Variants in DLG2 observed in about 807,000 individuals in gnomAD.
The protein encoded by DLG2 is disks large homolog 2.
Under a neutral mutation model 132.5 loss-of-function variants are expected in DLG2, and 45 were observed. The observed-to-expected ratio is 0.34, with a 90% CI of 0.27 to 0.44. The LOEUF is 0.44. Among genes scored for constraint, DLG2 ranks in the 20% least tolerant of loss-of-function variants. DLG2 has a pLI of 1.00. For synonymous variants in DLG2, 424 were observed against 419.6 expected (o/e 1.01, Z -0.13); for missense variants, 1,045 against 1,196.9 (o/e 0.87, Z 1.87).
In DLG2 at chr11:84,714,601, C is replaced by T. The variant is rs200905067; in HGVS notation, c.358-179870G>A. Among the ~76,000 whole-genome samples, 754 of 95,264 alleles carry T rather than the reference C, an allele frequency of 7.9e-3. 1 individual carries two copies. The highest frequency in any genetic ancestry group is 9.0e-3 in the Non-Finnish European group (423 of 47,240). The allele number at this position is 95,264 out of a possible 152,430, so 62.5% of individuals were successfully genotyped here. ...TTTCTCTTTCTCTTTCTCTTTCTTT[C>T]TCTTTCTCTTTCTCTTTCTCTTTCT... On this transcript the variant is annotated intron_variant, in intron 6 of 27. Coordinates refer to ENST00000376104, the MANE Select transcript of DLG2 (RefSeq NM_001142699.3).
chr11:83,467,447 G>T (rs1030140939), intron 25 of DLG2, among the ~76,000 whole-genome samples: 4 of 152,014 alleles, frequency 2.6e-5, no homozygotes, highest in Admixed American at 2.0e-4. Flanking sequence ...CACAAAAATG[G>T]TTAACTTAAA....
At chr11:85,375,097 T>C (rs543385842) in intron 3 of DLG2, among the ~76,000 whole-genome samples, 33 of 148,800 alleles carry the variant, frequency 2.2e-4, no homozygotes, top group Non-Finnish European at 4.0e-4. Context: ...TTTTCTTTTC[T>C]TTTTTTTTTA....
chr11:84,080,534 G>C (rs900458871), intron 10 of DLG2, among the ~76,000 whole-genome samples: 1 of 152,054 alleles, frequency 6.6e-6, no homozygotes, highest in African/African-American at 2.4e-5. Context: ...TTGAACAAAG[G>C]TCTAAAATAC....
chr11:85,027,744 G>C (rs2060655825), intron 6 of DLG2, among the ~76,000 whole-genome samples: 2 of 152,240 alleles, frequency 1.3e-5, no homozygotes, highest in South Asian at 2.1e-4. Context: ...CTGGATAAGG[G>C]GAACACAGTG....
intron 6 of DLG2, among the ~76,000 whole-genome samples, chr11:84,986,217 C>T (rs985700176): frequency 1.3e-5 from 2 of 151,992 alleles, no homozygotes; most frequent in Non-Finnish European, 2.9e-5. Flanking sequence ...TGGATAAATT[C>T]CTGGAAACAT....
intron 6 of DLG2, among the ~76,000 whole-genome samples, chr11:84,742,016 A>G (rs943042376): frequency 5.3e-5 from 8 of 152,114 alleles, no homozygotes; most frequent in Non-Finnish European, 1.2e-4. Flanking sequence ...GAAGAATTCA[A>G]TGAAATAAAA....
At chr11:84,920,831 T>C (rs1056986986) in intron 6 of DLG2, among the ~76,000 whole-genome samples, 1 of 152,036 alleles carries the variant, frequency 6.6e-6, no homozygotes, top group Non-Finnish European at 1.5e-5. Context: ...TTTATAAAGG[T>C]CCTATTAACA....
chr11:84,528,945 G>A (rs1302743685), intron 7 of DLG2, among the ~76,000 whole-genome samples: 1 of 152,188 alleles, frequency 6.6e-6, no homozygotes, highest in Non-Finnish European at 1.5e-5. Flanking sequence ...ACTAGCTCAT[G>A]AGAGCCTCAT....
At chr11:84,310,023 C>T (rs1001293928) in intron 7 of DLG2, among the ~76,000 whole-genome samples, 23 of 152,208 alleles carry the variant, frequency 1.5e-4, no homozygotes, top group East Asian at 3.9e-4. Flanking sequence ...AGGAGGGAAG[C>T]GATCTTCAGA....
intron 15 of DLG2, among the ~76,000 whole-genome samples, chr11:83,925,509 G>T (rs2078807082): frequency 6.6e-6 from 1 of 152,056 alleles, no homozygotes; most frequent in Non-Finnish European, 1.5e-5. Flanking sequence ...TCATTTATAT[G>T]TCTGTGAGAT....
At chr11:85,286,157 C>G in intron 3 of DLG2, 1 of 442,556 alleles carries the variant, frequency 2.3e-6, no homozygotes, top group African/African-American at 2.0e-5. Flanking sequence ...TATACAAAAG[C>G]ATCATACTCT....
intron 6 of DLG2, among the ~76,000 whole-genome samples, chr11:84,917,697 C>T (rs1464639442): frequency 6.6e-6 from 1 of 152,146 alleles, no homozygotes; most frequent in Non-Finnish European, 1.5e-5. Flanking sequence ...CTGTTTTATC[C>T]TTTACTTATT....
At chr11:83,833,833 ACT>A in intron 16 of DLG2, 63 bp from the exon 17 acceptor site, 1 of 1,541,294 alleles carries the variant, frequency 6.5e-7, no homozygotes, top group Non-Finnish European at 8.8e-7. Flanking sequence ...CGTTGCTTTT[ACT>A]TTCAATGGGA....
At chr11:85,298,399 C>T (rs922985916) in intron 3 of DLG2, among the ~76,000 whole-genome samples, 3 of 152,066 alleles carry the variant, frequency 2.0e-5, no homozygotes, top group African/African-American at 7.2e-5. Context: ...CAATTGTGTG[C>T]TCAGAGTGAA....
chr11:85,458,826 TG>T (rs1386751025), intron 3 of DLG2, among the ~76,000 whole-genome samples: 1 of 152,176 alleles, frequency 6.6e-6, no homozygotes, highest in African/African-American at 2.4e-5. Flanking sequence ...CTCAGTGCTT[TG>T]AAAGTATGGG....
At chr11:85,566,749 G>A (rs1294523030) in intron 3 of DLG2, among the ~76,000 whole-genome samples, 1 of 151,438 alleles carries the variant, frequency 6.6e-6, no homozygotes, top group Non-Finnish European at 1.5e-5. Flanking sequence ...GCTAACATTC[G>A]GCCCATTGCA....
At chr11:83,768,558 C>A (rs187374509) in intron 18 of DLG2, among the ~76,000 whole-genome samples, 168 of 152,238 alleles carry the variant, frequency 1.1e-3, no homozygotes, top group African/African-American at 3.9e-3. Flanking sequence ...TAATCACTAC[C>A]CTCTTCCCTC....
At chr11:85,531,497 C>A (rs964021663) in intron 3 of DLG2, among the ~76,000 whole-genome samples, 4 of 152,196 alleles carry the variant, frequency 2.6e-5, no homozygotes, top group African/African-American at 7.2e-5. Flanking sequence ...AAATTAGAGC[C>A]TCTCATCCAA....
Position 83,495,569 on chromosome 11 carries a change from CTCTG to C in DLG2, c.2194-11345_2194-11342del, listed in dbSNP as rs531187347. On this transcript the variant is annotated intron_variant, in intron 21 of 27. Transcript: ENST00000376104. ...ACCATAGTACTTATGACATATTATTCTCTGTCTGCTGCTATTAAAGAGGAAGATT... is the reference window on the plus strand; with the variant it reads ...ACCATAGTACTTATGACATATTATTCTCTGCTGCTATTAAAGAGGAAGATT... Among the ~76,000 whole-genome samples the C allele has an allele frequency of 7.2e-5, 11 of 152,242 alleles. No individual in the cohort carries two copies. The South Asian group carries it at 1.5e-3, about 20-fold the overall frequency.
Sources: allele counts gnomAD v4.1 joint callset (sites outside exome capture counted in the v4.1 genomes callset), GRCh38; gene constraint gnomAD v4.1.1; transcripts MANE v1.5; gene names NCBI Gene and HGNC (gene_info 2026-07-23, HGNC 2026-07-21).